UBE2E3: variants seen among roughly 807,000 people sequenced by gnomAD.
UBE2E3 encodes the protein ubiquitin conjugating enzyme E2 E3, also known as ubiquitin-conjugating enzyme E2 E3.
A neutral mutation model predicts 23.6 loss-of-function variants in UBE2E3; 5 were observed. The observed-to-expected ratio is 0.21, with a 90% confidence interval of 0.11 to 0.44. The LOEUF (loss-of-function observed/expected upper bound fraction) is 0.44. UBE2E3 is among the 20% of genes least tolerant of loss of function. The probability of loss-of-function intolerance (pLI) is 0.99; values close to 1 mark genes in which losing one functional copy is unlikely to be tolerated. For missense variants in UBE2E3, 81 were observed against 249.8 expected, an observed-to-expected ratio of 0.32 and a Z score of 4.55; for synonymous variants, 78 against 87.5, an observed-to-expected ratio of 0.89 and a Z score of 0.60.
intron 3 of UBE2E3, among the ~76,000 whole-genome samples, chr2:181,011,024 A>G (rs1335748473): frequency 2.6e-5 from 4 of 152,062 alleles, no homozygotes. Flanking sequence ...CTTATCTAAT[A>G]TAAGCCCTTC....
chr2:181,047,800 C>G (rs773656131), intron 3 of UBE2E3, among the ~76,000 whole-genome samples: 2 of 150,746 alleles, frequency 1.3e-5, no homozygotes, highest in African/African-American at 4.9e-5. Flanking sequence ...CCTGAGGAGG[C>G]CTTGCAAAAT....
chr2:180,983,351 A>G (rs1234371839), intron 2 of UBE2E3, among the ~76,000 whole-genome samples: 1 of 152,248 alleles, frequency 6.6e-6, no homozygotes, highest in African/African-American at 2.4e-5. Context: ...TGCGGAACAT[A>G]TTAGACACAT....
At chr2:181,033,799 C>T (rs911595807) in intron 3 of UBE2E3, among the ~76,000 whole-genome samples, 7 of 152,012 alleles carry the variant, frequency 4.6e-5, no homozygotes, top group Admixed American at 1.3e-4. Context: ...AGGGCTAATA[C>T]CCAGAATCTA....
intron 3 of UBE2E3, among the ~76,000 whole-genome samples, chr2:181,048,189 A>AT (rs1354385500): frequency 6.6e-6 from 1 of 152,118 alleles, no homozygotes; most frequent in African/African-American, 2.4e-5. Flanking sequence ...TCAACAAGGA[A>AT]TACCTTGCCT....
intron 3 of UBE2E3, among the ~76,000 whole-genome samples, chr2:181,040,847 G>A (rs189662223): frequency 6.6e-6 from 1 of 152,276 alleles, no homozygotes; most frequent in African/African-American, 2.4e-5. Flanking sequence ...GTTAGACTGT[G>A]CAGTAAATGA....
chr2:181,058,906 C>G (rs1333666941), intron 4 of UBE2E3, among the ~76,000 whole-genome samples: 1 of 151,666 alleles, frequency 6.6e-6, no homozygotes, highest in Non-Finnish European at 1.5e-5. Context: ...GTGGTCCCAT[C>G]AGCATGTAAG....
At chr2:181,030,464 T>C (rs1686040831) in intron 3 of UBE2E3, among the ~76,000 whole-genome samples, 1 of 152,166 alleles carries the variant, frequency 6.6e-6, no homozygotes, top group Non-Finnish European at 1.5e-5. Flanking sequence ...TTTTTCAATA[T>C]GAACAGTCTT....
At position 180,982,147 on chromosome 2, in the gene UBE2E3, A is replaced by G. The variant is rs757028273; in HGVS notation, c.105A>G (p.Gln35=). The G allele has an allele frequency of 3.0e-5, 48 of 1,613,610 alleles. No individual in the cohort carries two copies. Among genetic ancestry groups the G allele is most frequent in the Non-Finnish European group, 3.8e-5 (45 of 1,179,796 alleles). The change falls in exon 2 of 6, where the codon CAA becomes CAG. Residue 35 remains glutamine (Q), a synonymous_variant. Coordinates refer to ENST00000410062, the MANE Select transcript of UBE2E3 (RefSeq NM_006357.4). ...RDPAAPEPEE[Q]EERKPSATQQ... Reference sequence around the variant, plus strand: ...CAGCCGCTCCAGAGCCTGAAGAACAAGAGGAAAGAAAACCTTCTGCCACCC... The same window carrying G: ...CAGCCGCTCCAGAGCCTGAAGAACAGGAGGAAAGAAAACCTTCTGCCACCC...
chr2:181,022,817 G>A (rs1409371443), intron 3 of UBE2E3, among the ~76,000 whole-genome samples: 2 of 152,032 alleles, frequency 1.3e-5, no homozygotes, highest in African/African-American at 4.8e-5. Flanking sequence ...CCTCAGCTGG[G>A]ACTCAAATTT....
intron 1 of UBE2E3, among the ~76,000 whole-genome samples, chr2:180,981,761 G>A (rs1156991807): frequency 6.6e-6 from 1 of 152,218 alleles, no homozygotes; most frequent in Admixed American, 6.5e-5. Flanking sequence ...TGAGAAAGTA[G>A]ACAATTGATA....
intron 3 of UBE2E3, among the ~76,000 whole-genome samples, chr2:181,043,018 G>A (rs969961940): frequency 6.6e-6 from 1 of 152,140 alleles, no homozygotes; most frequent in Non-Finnish European, 1.5e-5. Context: ...TGTCTGGTGA[G>A]CAAGGAAGCT....
chr2:180,986,839 A>G (rs187352091), intron 3 of UBE2E3, among the ~76,000 whole-genome samples: 48 of 152,242 alleles, frequency 3.2e-4, no homozygotes, highest in Admixed American at 2.6e-3. Flanking sequence ...TGAATGAAAC[A>G]CAAGAAAACT....
At chr2:180,986,539 A>G (rs962509742) in intron 3 of UBE2E3, among the ~76,000 whole-genome samples, 1 of 152,112 alleles carries the variant, frequency 6.6e-6, no homozygotes, top group Non-Finnish European at 1.5e-5. Flanking sequence ...CTTTTAATTG[A>G]CAAGTGCGTA....
intron 3 of UBE2E3, among the ~76,000 whole-genome samples, chr2:181,030,286 G>T (rs1372801560): frequency 1.3e-5 from 2 of 151,704 alleles, no homozygotes; most frequent in Non-Finnish European, 2.9e-5. Flanking sequence ...ATGATAAATT[G>T]AATATGTATA....
chr2:180,995,710 A>G (rs908355806), intron 3 of UBE2E3, among the ~76,000 whole-genome samples: 1 of 148,192 alleles, frequency 6.7e-6, no homozygotes, highest in Non-Finnish European at 1.5e-5. Flanking sequence ...TGGGAGTTAG[A>G]TCAAGAGGCT....
intron 3 of UBE2E3, among the ~76,000 whole-genome samples, chr2:181,000,187 G>C (rs538233777): frequency 6.6e-6 from 1 of 152,262 alleles, no homozygotes; most frequent in Admixed American, 6.5e-5. Flanking sequence ...AAGACTCACT[G>C]TATTATAAAA....
chr2:181,015,606 A>G (rs959116039), intron 3 of UBE2E3, among the ~76,000 whole-genome samples: 1 of 152,206 alleles, frequency 6.6e-6, no homozygotes, highest in Non-Finnish European at 1.5e-5. Flanking sequence ...TAAAGGTAAG[A>G]TGATTTTTTA....
chr2:181,039,682 A>T (rs1686420406), intron 3 of UBE2E3, among the ~76,000 whole-genome samples: 1 of 152,130 alleles, frequency 6.6e-6, no homozygotes. Context: ...AAGTCGAAAA[A>T]TTCATCTCAA....
intron 3 of UBE2E3, among the ~76,000 whole-genome samples, chr2:181,027,799 T>C (rs1245499981): frequency 1.3e-5 from 2 of 151,856 alleles, no homozygotes; most frequent in African/African-American, 2.4e-5. Context: ...ATAACTCTAC[T>C]TTCCTAGTCA....
Sources: gnomAD v4.1 joint callset for allele counts (sites outside exome capture counted in the v4.1 genomes callset) on GRCh38, gnomAD v4.1.1 for gene constraint, MANE v1.5 for transcripts, NCBI Gene and HGNC (gene_info 2026-07-23, HGNC 2026-07-21) for gene names.